The following IMMP2L variants were observed in gnomAD, a reference collection of about 807,000 sequenced individuals.
IMMP2L encodes inner mitochondrial membrane peptidase subunit 2, also known as mitochondrial inner membrane protease subunit 2.
A neutral mutation model predicts 19.3 loss-of-function variants in IMMP2L; 18 were observed. That is an observed-to-expected ratio of 0.93 (90% CI 0.64 to 1.38). IMMP2L has a LOEUF of 1.38. IMMP2L is among the 40% of genes most tolerant of loss of function. The pLI, the probability that IMMP2L is intolerant of heterozygous loss-of-function variation, is 0.00. For synonymous variants in IMMP2L, 76 were observed against 73.0 expected, an observed-to-expected ratio of 1.04 and a Z score of -0.21; for missense variants, 233 against 218.2, an observed-to-expected ratio of 1.07 and a Z score of -0.43.
intron 3 of IMMP2L, among the ~76,000 whole-genome samples, chr7:111,287,649 A>G (rs1820640744): frequency 6.6e-6 from 1 of 152,174 alleles, no homozygotes; most frequent in African/African-American, 2.4e-5. Context: ...AGTTTTGTTC[A>G]AAGTTGTTAT....
chr7:111,232,844 G>C (rs74675044), intron 3 of IMMP2L, among the ~76,000 whole-genome samples: 6,508 of 152,070 alleles, frequency 0.043, 206 homozygotes, highest in South Asian at 0.083. Flanking sequence ...CACACTGTAA[G>C]CCAACAATTC....
At chr7:111,393,307 T>C (rs1832565781) in intron 3 of IMMP2L, among the ~76,000 whole-genome samples, 1 of 152,160 alleles carries the variant, frequency 6.6e-6, no homozygotes, top group South Asian at 2.1e-4. Context: ...CTTTAATCTC[T>C]TTTTTCCACT....
chr7:111,090,027 C>T (rs1326906362), intron 3 of IMMP2L, among the ~76,000 whole-genome samples: 2 of 151,772 alleles, frequency 1.3e-5, no homozygotes, highest in Non-Finnish European at 2.9e-5. Flanking sequence ...TCTCTCAAAA[C>T]TGGGGTTGGA....
rs1275092045 is a variant in IMMP2L, at chr7:111,179,212, T to G, written c.240-215647A>C. On this transcript the variant is annotated intron_variant, in intron 3 of 5. Transcript: ENST00000405709. ...CAGTAATATTTTGAAAAAAAAAATT[T>G]TATCTGAGAAGTAGGTCTCAACAAT... Among the ~76,000 whole-genome samples, 6 of 151,966 alleles carry G rather than the reference T, an allele frequency of 3.9e-5. No homozygotes were observed. In the East Asian group the frequency reaches 1.2e-3, roughly 29 times the overall value.
At chr7:111,411,411 T>G (rs1834414674) in intron 3 of IMMP2L, 1 of 493,328 alleles carries the variant, frequency 2.0e-6, no homozygotes, top group East Asian at 5.7e-5. Context: ...AAAGTGACCA[T>G]CAAGATGGCA....
In IMMP2L at chr7:111,545,047, TCA is replaced by T. The variant is rs200531801; in HGVS notation, c.-3+16802_-3+16803del. On this transcript the variant is annotated intron_variant, in intron 1 of 5. Transcript: ENST00000405709. ...AAATATCTGCATCCAGAAGTCAGACTCACACACACACATACTCTCAGAGCAGC... is the reference window on the plus strand; with the variant it reads ...AAATATCTGCATCCAGAAGTCAGACTCACACACACATACTCTCAGAGCAGC... 2.7e-3 allele frequency among the ~76,000 whole-genome samples: 410 copies of T among 151,894 alleles called. 6 individuals are homozygous for T. The highest frequency in any genetic ancestry group is 9.3e-3 in the African/African-American group (385 of 41,458).
At chr7:110,993,688 A>G (rs1396012262) in intron 3 of IMMP2L, among the ~76,000 whole-genome samples, 1 of 152,086 alleles carries the variant, frequency 6.6e-6, no homozygotes, top group Non-Finnish European at 1.5e-5. Context: ...TCAATGTCCA[A>G]CTGGATATTG....
intron 3 of IMMP2L, among the ~76,000 whole-genome samples, chr7:111,318,050 T>C (rs1479639877): frequency 1.3e-5 from 2 of 152,176 alleles, no homozygotes; most frequent in Non-Finnish European, 2.9e-5. Context: ...CACTTACTTA[T>C]AATGCAATCC....
rs563426074 is a variant in IMMP2L, at chr7:111,489,113, C to T, written c.136-1772G>A. Among the ~76,000 whole-genome samples, 21 of 148,784 alleles carry T rather than the reference C, an allele frequency of 1.4e-4. No individual in the cohort carries two copies. The East Asian group carries it at 2.6e-3, about 18-fold the overall frequency. ...GGCTGGAGTGCAGTGGCATCATCTC[C>T]GCTCACTGCAATCTCCGCCTCCCGG... On this transcript the variant is annotated intron_variant, in intron 2 of 5. Coordinates refer to ENST00000405709, the MANE Select transcript of IMMP2L (RefSeq NM_032549.4).
intron 4 of IMMP2L, among the ~76,000 whole-genome samples, chr7:110,908,386 T>C (rs1812697283): frequency 6.6e-6 from 1 of 152,216 alleles, no homozygotes; most frequent in African/African-American, 2.4e-5. Context: ...GATAACTGAT[T>C]TAGCATTCAC....
chr7:110,920,032 C>T (rs961631728), intron 4 of IMMP2L, among the ~76,000 whole-genome samples: 2 of 152,192 alleles, frequency 1.3e-5, no homozygotes, highest in African/African-American at 4.8e-5. Flanking sequence ...TTCTTCAGCT[C>T]TTGGACTCTT....
At chr7:110,920,682 A>G (rs1814174257) in intron 4 of IMMP2L, among the ~76,000 whole-genome samples, 1 of 152,146 alleles carries the variant, frequency 6.6e-6, no homozygotes, top group Admixed American at 6.5e-5. Context: ...ATCTTTGTAC[A>G]TTTTAAGAAA....
At chr7:110,882,751 T>C (rs1241881882) in intron 5 of IMMP2L, among the ~76,000 whole-genome samples, 1 of 151,612 alleles carries the variant, frequency 6.6e-6, no homozygotes, top group African/African-American at 2.4e-5. Flanking sequence ...TACTGTTTTT[T>C]TTTGTTTTTT....
intron 3 of IMMP2L, among the ~76,000 whole-genome samples, chr7:111,216,442 C>T (rs1010436343): frequency 6.6e-6 from 1 of 152,012 alleles, no homozygotes; most frequent in African/African-American, 2.4e-5. Context: ...TTATGGCGTA[C>T]AAAGTGATGT....
At chr7:111,497,383 T>C (rs1843691931) in intron 2 of IMMP2L, among the ~76,000 whole-genome samples, 1 of 152,160 alleles carries the variant, frequency 6.6e-6, no homozygotes, top group African/African-American at 2.4e-5. Flanking sequence ...GTCTTTTAGC[T>C]AAAATCAAGT....
At chr7:111,133,411 G>A (rs1040391682) in intron 3 of IMMP2L, among the ~76,000 whole-genome samples, 4 of 151,996 alleles carry the variant, frequency 2.6e-5, no homozygotes, top group Non-Finnish European at 5.9e-5. Flanking sequence ...TTAGAGGGCA[G>A]AGAAATGTTA....
At chr7:110,731,971 T>C (rs1796302867) in intron 5 of IMMP2L, among the ~76,000 whole-genome samples, 1 of 152,212 alleles carries the variant, frequency 6.6e-6, no homozygotes, top group East Asian at 1.9e-4. Flanking sequence ...GAAAACAGCA[T>C]GTCTGCTACA....
At chr7:111,501,235 G>A (rs1191072236) in intron 2 of IMMP2L, among the ~76,000 whole-genome samples, 10 of 152,034 alleles carry the variant, frequency 6.6e-5, no homozygotes, top group Non-Finnish European at 1.3e-4. Context: ...GATGGAAGAC[G>A]AAATGAATGA....
At chr7:110,826,570 A>T (rs543472432) in intron 5 of IMMP2L, among the ~76,000 whole-genome samples, 8 of 152,300 alleles carry the variant, frequency 5.3e-5, no homozygotes, top group African/African-American at 1.9e-4. Context: ...CATCATTCTC[A>T]GCAAACTATC....
Sources: allele counts gnomAD v4.1 joint callset (sites outside exome capture counted in the v4.1 genomes callset), GRCh38; gene constraint gnomAD v4.1.1; transcripts MANE v1.5; gene names NCBI Gene and HGNC (gene_info 2026-07-23, HGNC 2026-07-21).